CNPY1: variants seen among roughly 807,000 people sequenced by gnomAD.
CNPY1 encodes protein canopy homolog 1.
In CNPY1, 14 loss-of-function variants were observed where a neutral mutation model predicts 14.4. The observed-to-expected ratio is 0.97, with a 90% confidence interval of 0.64 to 1.52. The LOEUF (loss-of-function observed/expected upper bound fraction) is 1.52, where lower values mean the gene tolerates loss of function less well. CNPY1 is among the 40% of genes most tolerant of loss of function. The pLI, the probability that CNPY1 is intolerant of heterozygous loss-of-function variation, is 0.00. For synonymous variants in CNPY1, 43 were observed against 46.5 expected (o/e 0.92, Z 0.31); for missense variants, 129 against 131.5 (o/e 0.98, Z 0.09).
chr7:155,510,997 A>G (rs898821390), intron 2 of CNPY1, among the ~76,000 whole-genome samples: 3 of 152,368 alleles, frequency 2.0e-5, no homozygotes, highest in Middle Eastern at 6.8e-3. Context: ...TAGCTGATAC[A>G]TATACAATAT....
intron 2 of CNPY1, among the ~76,000 whole-genome samples, chr7:155,529,304 G>T (rs1218992102): frequency 6.6e-6 from 1 of 152,138 alleles, no homozygotes; most frequent in Non-Finnish European, 1.5e-5. Flanking sequence ...CCATCCACGT[G>T]GCTGGGTCCT....
At position 155,527,029 on chromosome 7, in the gene CNPY1, T is replaced by TC. The variant is rs1481316382; in HGVS notation, c.100-17933_100-17932insG. 5.9e-4 allele frequency among the ~76,000 whole-genome samples: 49 copies of TC among 82,380 alleles called. 1 individual carries two copies. Among genetic ancestry groups the TC allele is most frequent in the African/African-American group, 1.3e-3 (24 of 18,868 alleles). The allele number at this position is 82,380 out of a possible 152,430, so 54.0% of individuals were successfully genotyped here. A position where few individuals can be genotyped will look rare whatever the true frequency, so the allele number is the denominator to read the frequency against. The stretch of plus-strand genomic sequence containing the variant: ...CTAGGCAGCCATGCTTTTCTTTTCT[T>TC]TTTTCTTTCTTTCTTTCTTTCTTTC... On this transcript the variant is annotated intron_variant, in intron 2 of 4. Transcript: ENST00000636446.
chr7:155,538,967 A>G (rs1282459128), intron 2 of CNPY1, among the ~76,000 whole-genome samples: 3 of 152,204 alleles, frequency 2.0e-5, no homozygotes, highest in Admixed American at 6.5e-5. Context: ...GACCAGTGCC[A>G]GGGCACATCA....
Position 155,514,051 on chromosome 7 carries a change from G to A in CNPY1, c.100-4954C>T, listed in dbSNP as rs539362183. 7.2e-5 allele frequency among the ~76,000 whole-genome samples: 11 copies of A among 152,344 alleles called. No homozygotes were observed. In the South Asian group the frequency reaches 2.1e-3, roughly 29 times the overall value. On this transcript the variant is annotated intron_variant, in intron 2 of 4. Transcript: ENST00000636446. Reference sequence around the variant, plus strand: ...CTGCACCTCTTGGCTGTGCCCTCCGGTGGGCACCGCTCAGAGGGCTCCTAC... The same window carrying A: ...CTGCACCTCTTGGCTGTGCCCTCCGATGGGCACCGCTCAGAGGGCTCCTAC...
At chr7:155,534,543 G>T (rs564895272) in intron 2 of CNPY1, among the ~76,000 whole-genome samples, 24 of 152,364 alleles carry the variant, frequency 1.6e-4, no homozygotes, top group African/African-American at 5.3e-4. Context: ...TAGCATGTGG[G>T]ACTGACCGGG....
chr7:155,511,276 C>T (rs1796526112), intron 2 of CNPY1, among the ~76,000 whole-genome samples: 1 of 152,194 alleles, frequency 6.6e-6, no homozygotes, highest in African/African-American at 2.4e-5. Context: ...AAATTCCATC[C>T]TAATACACCA....
At chr7:155,521,185 C>T (rs1796716890) in intron 2 of CNPY1, among the ~76,000 whole-genome samples, 1 of 152,180 alleles carries the variant, frequency 6.6e-6, no homozygotes, top group African/African-American at 2.4e-5. Context: ...GAATCCTCGG[C>T]TGTGGGTGGA....
chr7:155,530,704 A>G (rs1037590749), intron 2 of CNPY1, among the ~76,000 whole-genome samples: 5 of 152,198 alleles, frequency 3.3e-5, no homozygotes, highest in Non-Finnish European at 7.3e-5. Context: ...CATTTGAGTG[A>G]AGAAAATTCC....
rs539152887 is a variant in CNPY1 at position 155,536,103 on chromosome 7, T to C, written c.99+9728A>G. Among the ~76,000 whole-genome samples, 26 of 152,292 alleles carry C rather than the reference T, an allele frequency of 1.7e-4. No homozygotes were observed. The highest frequency in any genetic ancestry group is 3.4e-4 in the Non-Finnish European group (23 of 68,022). On this transcript the variant is annotated intron_variant, in intron 2 of 4. Coordinates refer to ENST00000636446, the MANE Select transcript of CNPY1 (RefSeq NM_001393663.1). The surrounding 1 kb of genome is among the most constrained non-coding windows in gnomAD (Gnocchi z 4.1). The stretch of plus-strand genomic sequence containing the variant: ...TATTCTGGGCTGGGCTGTCCTCACC[T>C]GGCGGGGTCAGAGGCAGTGGGGATC...
chr7:155,533,572 C>A (rs1275011023), intron 2 of CNPY1, among the ~76,000 whole-genome samples: 1 of 152,154 alleles, frequency 6.6e-6, no homozygotes, highest in Non-Finnish European at 1.5e-5. Context: ...CAGCAGGGCC[C>A]GTCGCTTCGC....
chr7:155,519,300 T>G (rs184422328), intron 2 of CNPY1, among the ~76,000 whole-genome samples: 8 of 152,174 alleles, frequency 5.3e-5, no homozygotes, highest in African/African-American at 1.9e-4. Flanking sequence ...GACAGGAGGA[T>G]CCTTTGATCT....
intron 4 of CNPY1, among the ~76,000 whole-genome samples, chr7:155,504,274 T>C (rs1179641866): frequency 6.6e-6 from 1 of 152,188 alleles, no homozygotes; most frequent in Non-Finnish European, 1.5e-5. Flanking sequence ...TGACACATAA[T>C]GTTTATGAAA....
intron 2 of CNPY1, among the ~76,000 whole-genome samples, chr7:155,523,635 G>A (rs73496036): frequency 0.04 from 6,135 of 152,200 alleles, 389 homozygotes; most frequent in African/African-American, 0.14. Flanking sequence ...GAAGGTGGGC[G>A]GGGACAAAGC....
In CNPY1 at chr7:155,527,054, C is replaced by CTTTCTTTCTTTCTTTCTTT. The variant is rs56296833; in HGVS notation, c.100-17958_100-17957insAAAGAAAGAAAGAAAGAAA. 5.6e-3 allele frequency among the ~76,000 whole-genome samples: 505 copies of CTTTCTTTCTTTCTTTCTTT among 90,342 alleles called. 10 individuals carry two copies. Among genetic ancestry groups the CTTTCTTTCTTTCTTTCTTT allele is most frequent in the African/African-American group, 0.018 (354 of 19,814 alleles). The allele number at this position is 90,342 out of a possible 152,430, so 59.3% of individuals were successfully genotyped here. ...TTTTTCTTTCTTTCTTTCTTTCTTT[C>CTTTCTTTCTTTCTTTCTTT]TTTTTTTTTTTTTTTTTGAGACAGT... On this transcript the variant is annotated intron_variant, in intron 2 of 4. Coordinates refer to ENST00000636446, the MANE Select transcript of CNPY1 (RefSeq NM_001393663.1).
intron 2 of CNPY1, among the ~76,000 whole-genome samples, chr7:155,524,105 A>G (rs1020501858): frequency 5.3e-5 from 8 of 152,210 alleles, no homozygotes; most frequent in Non-Finnish European, 2.9e-5. Context: ...ATTTCTGCGT[A>G]AGACATCTGG....
chr7:155,545,572 G>A (rs949720459), intron 2 of CNPY1, among the ~76,000 whole-genome samples: 3 of 152,132 alleles, frequency 2.0e-5, no homozygotes, highest in African/African-American at 7.2e-5. Flanking sequence ...AACCACAGAC[G>A]CGCTATTTTT....
chr7:155,539,540 T>A (rs145353318), intron 2 of CNPY1, among the ~76,000 whole-genome samples: 1 of 152,210 alleles, frequency 6.6e-6, no homozygotes, highest in African/African-American at 2.4e-5. Context: ...GGTTGCACAC[T>A]GCACAGCTCC....
rs142271330 is a variant in CNPY1, at chr7:155,502,129, C to A, written c.*939G>T. On this transcript the variant is annotated 3_prime_UTR_variant, in exon 5 of 5. Transcript: ENST00000636446. ...CATTAAAGTCAGATTCCATTGAATGCAAATGTAACAGAGATAAAGAAATTT... is the reference window on the plus strand; with the variant it reads ...CATTAAAGTCAGATTCCATTGAATGAAAATGTAACAGAGATAAAGAAATTT... The A allele has an allele frequency of 6.6e-6, 1 of 152,042 alleles. No individual in the cohort carries two copies. Among genetic ancestry groups the A allele is most frequent in the Non-Finnish European group, 1.5e-5 (1 of 68,002 alleles). The allele number at this position is 152,042 out of a possible 1,614,324, so 9.4% of individuals were successfully genotyped here. A position where few individuals can be genotyped will look rare whatever the true frequency, so the allele number is the denominator to read the frequency against.
chr7:155,507,471 TA>T (rs35711313), intron 3 of CNPY1, among the ~76,000 whole-genome samples: 736 of 54,102 alleles, frequency 0.014, 6 homozygotes, highest in African/African-American at 0.066. Context: ...GTTTTTAAAC[TA>T]AAAAAAAAAA....
Sources: allele counts gnomAD v4.1 joint callset (sites outside exome capture counted in the v4.1 genomes callset), GRCh38; gene constraint gnomAD v4.1.1; non-coding constraint Gnocchi (gnomAD v3.1); transcripts MANE v1.5; gene names NCBI Gene and HGNC (gene_info 2026-07-23, HGNC 2026-07-21).